The following ZNF385D variants were observed in gnomAD, a reference collection of about 807,000 sequenced individuals.
ZNF385D encodes the protein zinc finger protein 385D.
A neutral mutation model predicts 35.8 loss-of-function variants in ZNF385D; 15 were observed. The observed-to-expected ratio is 0.42, with a 90% confidence interval of 0.28 to 0.64. The LOEUF is 0.64. Among genes scored for constraint, ZNF385D ranks in the 30% least tolerant of loss-of-function variants. The pLI, the probability that ZNF385D is intolerant of heterozygous loss-of-function variation, is 0.23. For synonymous variants in ZNF385D, 212 were observed against 186.8 expected, an observed-to-expected ratio of 1.13 and a Z score of -1.10; for missense variants, 474 against 494.6, an observed-to-expected ratio of 0.96 and a Z score of 0.39.
intron 3 of ZNF385D, among the ~76,000 whole-genome samples, chr3:21,977,802 C>T (rs1238841098): frequency 6.6e-6 from 1 of 152,024 alleles, no homozygotes; most frequent in Non-Finnish European, 1.5e-5. Flanking sequence ...CACCACTGTA[C>T]TCTAGCCTGG....
At chr3:22,043,884 G>C (rs1698824249) in intron 3 of ZNF385D, among the ~76,000 whole-genome samples, 1 of 152,126 alleles carries the variant, frequency 6.6e-6, no homozygotes, top group Admixed American at 6.6e-5. Flanking sequence ...CTAAGAAGAT[G>C]ATCATGTAAG....
Position 22,317,032 on chromosome 3 carries a change from C to T in ZNF385D, c.106+55418G>A, listed in dbSNP as rs1703925858. Among the ~76,000 whole-genome samples the T allele has an allele frequency of 2.0e-5, 3 of 151,976 alleles. 1 individual carries two copies. Among genetic ancestry groups the T allele is most frequent in the Admixed American group, 2.0e-4 (3 of 15,264 alleles). On this transcript the variant is annotated intron_variant, in intron 2 of 5. Coordinates refer to the ZNF385D transcript ENST00000494108. ...GTGACTCACCCCTGAAATCCGAACA[C>T]TTTGGGAGGCCGAGGTGGGCGGATT...
chr3:21,955,039 A>G (rs1343483972), intron 3 of ZNF385D, among the ~76,000 whole-genome samples: 1 of 152,152 alleles, frequency 6.6e-6, no homozygotes, highest in Non-Finnish European at 1.5e-5. Flanking sequence ...TTATTGTAAA[A>G]AGTCAAGGTT....
chr3:21,506,897 T>C (rs560516126), intron 4 of ZNF385D, among the ~76,000 whole-genome samples: 1 of 152,250 alleles, frequency 6.6e-6, no homozygotes, highest in Non-Finnish European at 1.5e-5. Flanking sequence ...ATTCTTTCTA[T>C]GAATAGTCAG....
intron 2 of ZNF385D, among the ~76,000 whole-genome samples, chr3:22,342,774 T>C (rs1471304889): frequency 6.6e-6 from 1 of 152,184 alleles, no homozygotes; most frequent in African/African-American, 2.4e-5. Context: ...CTTGAAGAAA[T>C]GTCTCCAATG....
chr3:21,508,833 C>T (rs1410145079), intron 4 of ZNF385D, among the ~76,000 whole-genome samples: 1 of 152,172 alleles, frequency 6.6e-6, no homozygotes, highest in East Asian at 1.9e-4. Context: ...TCCAACTTAA[C>T]ACTTGGATAA....
intron 4 of ZNF385D, among the ~76,000 whole-genome samples, chr3:21,494,877 A>G (rs1470841842): frequency 6.6e-6 from 1 of 152,176 alleles, no homozygotes; most frequent in East Asian, 1.9e-4. Context: ...TACCCTTGAC[A>G]TTAAGTTTAA....
At chr3:21,568,271 T>C (rs1446079806) in intron 2 of ZNF385D, among the ~76,000 whole-genome samples, 2 of 152,176 alleles carry the variant, frequency 1.3e-5, no homozygotes, top group Non-Finnish European at 2.9e-5. Context: ...ACCAGTTCTG[T>C]TATAAATAGT....
intron 3 of ZNF385D, among the ~76,000 whole-genome samples, chr3:22,117,425 T>C (rs1362597714): frequency 2.0e-5 from 3 of 152,056 alleles, no homozygotes; most frequent in Admixed American, 1.3e-4. Flanking sequence ...ACACGACTTA[T>C]GATTTTGAAA....
At chr3:22,150,164 C>A (rs1705127468) in intron 3 of ZNF385D, among the ~76,000 whole-genome samples, 1 of 152,142 alleles carries the variant, frequency 6.6e-6, no homozygotes. Flanking sequence ...AAAAGCTAGA[C>A]ACAAAGTAGC....
At chr3:21,996,743 A>AC (rs1292061122) in intron 3 of ZNF385D, among the ~76,000 whole-genome samples, 1 of 152,042 alleles carries the variant, frequency 6.6e-6, no homozygotes, top group Admixed American at 6.6e-5. Context: ...AAGAATAGGA[A>AC]CCCCCCTAAA....
At chr3:21,952,293 T>C (rs920016360) in intron 3 of ZNF385D, among the ~76,000 whole-genome samples, 1 of 151,994 alleles carries the variant, frequency 6.6e-6, no homozygotes, top group Non-Finnish European at 1.5e-5. Flanking sequence ...CAAGATCTAG[T>C]GGTCTTTGTT....
chr3:21,443,418 G>C, intron 4 of ZNF385D: 1 of 909,372 alleles, frequency 1.1e-6, no homozygotes, highest in Non-Finnish European at 1.3e-6. Context: ...AAATTTTGGG[G>C]GTCTGTCTTA....
chr3:22,067,867 C>A (rs1319177154), intron 3 of ZNF385D, among the ~76,000 whole-genome samples: 1 of 151,964 alleles, frequency 6.6e-6, no homozygotes, highest in Non-Finnish European at 1.5e-5. Context: ...ACTAAAAATA[C>A]AAAAATTAGC....
intron 2 of ZNF385D, among the ~76,000 whole-genome samples, chr3:21,641,006 C>A (rs975935807): frequency 2.6e-5 from 4 of 151,994 alleles, no homozygotes; most frequent in Non-Finnish European, 5.9e-5. Context: ...AGTCTAAATG[C>A]CCTAAGTCAC....
chr3:21,770,114 G>A (rs1305998105), intron 3 of ZNF385D, among the ~76,000 whole-genome samples: 1 of 152,132 alleles, frequency 6.6e-6, no homozygotes, highest in Non-Finnish European at 1.5e-5. Flanking sequence ...TTACATGTTA[G>A]ACCTAAAACC....
chr3:21,480,716 G>A (rs1704567759), intron 4 of ZNF385D, among the ~76,000 whole-genome samples: 1 of 152,074 alleles, frequency 6.6e-6, no homozygotes, highest in South Asian at 2.1e-4. Context: ...GTTCTATTTT[G>A]TAAGCTCAGT....
intron 3 of ZNF385D, among the ~76,000 whole-genome samples, chr3:21,775,478 A>G (rs1158826240): frequency 6.6e-6 from 1 of 151,914 alleles, no homozygotes. Flanking sequence ...TTATTGCTCT[A>G]TTACTCCAAA....
chr3:21,685,332 A>C (rs983278422), intron 1 of ZNF385D, among the ~76,000 whole-genome samples: 1 of 152,200 alleles, frequency 6.6e-6, no homozygotes, highest in Non-Finnish European at 1.5e-5. Flanking sequence ...CCTATGCTTG[A>C]AACACAAGCA....
Sources: allele counts gnomAD v4.1 joint callset (sites outside exome capture counted in the v4.1 genomes callset), GRCh38; gene constraint gnomAD v4.1.1; transcripts MANE v1.5; gene names NCBI Gene and HGNC (gene_info 2026-07-23, HGNC 2026-07-21).